The following ZFAT variants were observed in gnomAD, a reference collection of about 807,000 sequenced individuals.
The protein encoded by ZFAT is zinc finger and AT-hook domain containing, also known as zinc finger protein ZFAT.
A neutral mutation model predicts 117.7 loss-of-function variants in ZFAT; 64 were observed. The observed-to-expected ratio is 0.54, with a 90% CI of 0.44 to 0.67. The LOEUF (loss-of-function observed/expected upper bound fraction) is 0.67, where lower values mean the gene tolerates loss of function less well. Ranked by LOEUF, ZFAT falls within the 30% of genes least tolerant of loss-of-function variation. The probability of loss-of-function intolerance (pLI) is 0.00; values close to 1 mark genes in which losing one functional copy is unlikely to be tolerated. For synonymous variants in ZFAT, 679 were observed against 615.0 expected, an observed-to-expected ratio of 1.10 and a Z score of -1.54; for missense variants, 1,433 against 1,584.5, an observed-to-expected ratio of 0.90 and a Z score of 1.62.
chr8:134,751,342 C>T, the ZFAT span, among the ~76,000 whole-genome samples: 1 of 152,154 alleles, frequency 6.6e-6, no homozygotes, highest in African/African-American at 2.4e-5. Context: ...CAGATAACAT[C>T]AAGGACGAAG....
chr8:134,760,504 C>G, the ZFAT span, among the ~76,000 whole-genome samples: 1 of 152,114 alleles, frequency 6.6e-6, no homozygotes. Context: ...TCAGGAATCA[C>G]CCAGAAGACT....
At chr8:134,783,069 T>C in the ZFAT span, among the ~76,000 whole-genome samples, 1 of 152,170 alleles carries the variant, frequency 6.6e-6, no homozygotes, top group African/African-American at 2.4e-5. Context: ...ACATCTTTAG[T>C]AATTGTTTTG....
At chr8:134,716,180 C>T (rs892641350), upstream of ZFAT, among the ~76,000 whole-genome samples, 8 of 137,376 alleles carry the variant, frequency 5.8e-5, no homozygotes, top group East Asian at 2.1e-4. Flanking sequence ...CACACACACA[C>T]ACATATATAT....
intron 11 of ZFAT, among the ~76,000 whole-genome samples, chr8:134,535,322 C>A (rs1821749540): frequency 6.6e-6 from 1 of 152,206 alleles, no homozygotes; most frequent in Non-Finnish European, 1.5e-5. Flanking sequence ...GTTCTATAGG[C>A]ACCTTAAACT....
upstream of ZFAT, among the ~76,000 whole-genome samples, chr8:134,716,322 A>T (rs1563783988): frequency 6.6e-6 from 1 of 152,190 alleles, no homozygotes; most frequent in Non-Finnish European, 1.5e-5. Flanking sequence ...CTTAAAAATC[A>T]TATAAAAGAG....
the ZFAT span, among the ~76,000 whole-genome samples, chr8:134,776,135 A>G: frequency 6.6e-6 from 1 of 152,228 alleles, no homozygotes; most frequent in African/African-American, 2.4e-5. Flanking sequence ...TCCACATATT[A>G]TCTGATTCAC....
At chr8:134,782,204 A>G in the ZFAT span, among the ~76,000 whole-genome samples, 29 of 152,250 alleles carry the variant, frequency 1.9e-4, no homozygotes, top group African/African-American at 6.5e-4. Context: ...GCATTCTCAG[A>G]AAGTTTCTCT....
chr8:134,670,669 A>G (rs1442355934), intron 1 of ZFAT, among the ~76,000 whole-genome samples: 1 of 152,256 alleles, frequency 6.6e-6, no homozygotes, highest in African/African-American at 2.4e-5. Flanking sequence ...TAAAATTGAC[A>G]CCCTAACGTC....
chr8:134,828,342 T>G, the ZFAT span, among the ~76,000 whole-genome samples: 1 of 152,218 alleles, frequency 6.6e-6, no homozygotes. Context: ...AGTTGGGCTT[T>G]TGACCCATAT....
intron 12 of ZFAT, among the ~76,000 whole-genome samples, chr8:134,528,995 C>A (rs926888832): frequency 6.6e-6 from 1 of 152,180 alleles, no homozygotes; most frequent in Non-Finnish European, 1.5e-5. Flanking sequence ...TTACTGTCGG[C>A]ACTCTCTGGG....
intron 11 of ZFAT, among the ~76,000 whole-genome samples, chr8:134,549,152 C>A (rs11167154): frequency 1.3e-5 from 2 of 152,200 alleles, no homozygotes; most frequent in East Asian, 1.9e-4. Context: ...CATAGAAATA[C>A]GAGTTCAGAC....
chr8:134,646,354 A>G (rs1830893475), intron 2 of ZFAT, among the ~76,000 whole-genome samples: 1 of 152,224 alleles, frequency 6.6e-6, no homozygotes, highest in Non-Finnish European at 1.5e-5. Flanking sequence ...AAGGGAAATT[A>G]GAAATACTTT....
At chr8:134,508,728 G>T (rs1202131123) in intron 15 of ZFAT, among the ~76,000 whole-genome samples, 1 of 152,170 alleles carries the variant, frequency 6.6e-6, no homozygotes, top group Non-Finnish European at 1.5e-5. Flanking sequence ...GGCAGACACT[G>T]GTTCTCTCCT....
Position 134,602,572 on chromosome 8 carries a change from T to C in ZFAT, c.1147A>G (p.Lys383Glu), listed in dbSNP as rs971450539. 2 of 1,613,960 alleles carry C rather than the reference T, an allele frequency of 1.2e-6. No individual in the cohort carries two copies. Among genetic ancestry groups the C allele is most frequent in the Non-Finnish European group, 1.7e-6 (2 of 1,180,042 alleles). Residue 383 changes from lysine (K) to glutamate (E), a missense_variant, in exon 6 of 16, where the codon AAG becomes GAG. Physicochemically the swap from Lys to Glu is moderately conservative, Grantham distance 56. Around this residue, in one of 5 missense-constraint regions of ZFAT, gnomAD observed 436 missense variants for 482.0 expected, o/e 0.90. Transcript: ENST00000377838. ...AGCTCGTCCAAGGCCTCTTTGACCT[T>C]CTTGTCCTGTGGGTCATGCGCGTCT... ...IRDAHDPQDKKVKEALDELCL... is the reference protein window; with the variant it reads ...IRDAHDPQDKEVKEALDELCL...
At chr8:134,581,855 G>A (rs537549203) in intron 10 of ZFAT, among the ~76,000 whole-genome samples, 1 of 152,296 alleles carries the variant, frequency 6.6e-6, no homozygotes, top group African/African-American at 2.4e-5. Flanking sequence ...CTCCCAAAGT[G>A]CTGGGATTAT....
the ZFAT span, chr8:134,785,032 A>G: frequency 1.3e-5 from 2 of 152,218 alleles, no homozygotes; most frequent in Non-Finnish European, 2.9e-5. Context: ...AACTGCTGTT[A>G]TAAGCAATAT....
chr8:134,524,516 G>A (rs368310673), intron 12 of ZFAT, among the ~76,000 whole-genome samples: 1 of 152,170 alleles, frequency 6.6e-6, no homozygotes, highest in African/African-American at 2.4e-5. Context: ...TAGGCCAGTG[G>A]TTCTAAACTA....
At chr8:134,617,042 T>C (rs1208584093) in intron 3 of ZFAT, among the ~76,000 whole-genome samples, 2 of 152,118 alleles carry the variant, frequency 1.3e-5, no homozygotes, top group African/African-American at 4.8e-5. Context: ...CCCCAAAGAC[T>C]CTCTCAACCA....
rs143386377 is a variant in ZFAT at position 134,706,761 on chromosome 8, C to T, written c.19+6084G>A. Among the ~76,000 whole-genome samples the T allele has an allele frequency of 8.1e-3, 1,233 of 151,462 alleles. 9 individuals carry two copies. Among genetic ancestry groups the T allele is most frequent in the Non-Finnish European group, 0.013 (886 of 67,908 alleles). On this transcript the variant is annotated intron_variant, in intron 1 of 15. Coordinates refer to ENST00000377838, the MANE Select transcript of ZFAT (RefSeq NM_020863.4). The stretch of plus-strand genomic sequence containing the variant: ...GGAGCAGGGATGGGATAGTAAGGGG[C>T]AAGAGAAAACTTTCTGGGCTGATGA...
Sources: allele counts gnomAD v4.1 joint callset (sites outside exome capture counted in the v4.1 genomes callset), GRCh38; gene constraint gnomAD v4.1.1; regional missense constraint gnomAD v4.1.1; transcripts MANE v1.5; gene names NCBI Gene and HGNC (gene_info 2026-07-23, HGNC 2026-07-21).